The following ZNF385D variants were observed in gnomAD, a reference collection of about 807,000 sequenced individuals.
The protein encoded by ZNF385D is zinc finger protein 659.
ZNF385D carries 15 observed loss-of-function variants against 35.8 expected under a neutral mutation model. That is an observed-to-expected ratio of 0.42 (90% CI 0.28 to 0.64). ZNF385D has a LOEUF of 0.64. Among genes scored for constraint, ZNF385D ranks in the 30% least tolerant of loss-of-function variants. The pLI is 0.23. For missense variants in ZNF385D, 474 were observed against 494.6 expected, an observed-to-expected ratio of 0.96 and a Z score of 0.39; for synonymous variants, 212 against 186.8, an observed-to-expected ratio of 1.13 and a Z score of -1.10.
chr3:21,516,557 C>T (rs1575089402), intron 3 of ZNF385D, among the ~76,000 whole-genome samples: 3 of 152,108 alleles, frequency 2.0e-5, no homozygotes, highest in Admixed American at 6.5e-5. Flanking sequence ...GCATAACACA[C>T]GTTACTCTTG....
At chr3:22,089,875 G>A (rs2620542) in intron 3 of ZNF385D, among the ~76,000 whole-genome samples, 16,133 of 152,094 alleles carry the variant, frequency 0.11, 1,089 homozygotes, top group Middle Eastern at 0.19. Flanking sequence ...CTTGCTCTGT[G>A]GTCAGGCTGG....
At chr3:21,454,669 A>G (rs1340088507) in intron 4 of ZNF385D, among the ~76,000 whole-genome samples, 1 of 152,204 alleles carries the variant, frequency 6.6e-6, no homozygotes, top group Admixed American at 6.5e-5. Context: ...TTCCCTTTGA[A>G]AACTGGCACA....
rs1352042282 is a variant in ZNF385D, at chr3:22,123,956, CTCTCTCTATA to C, written c.325+44851_325+44860del. On this transcript the variant is annotated intron_variant, in intron 3 of 5. Transcript: ENST00000494108. ...TCTCTCTCTCTCTCTCTCTCTCTCT[CTCTCTCTATA>C]TATATATATATATATATATATATTG... 4.3e-3 allele frequency among the ~76,000 whole-genome samples: 368 copies of C among 86,572 alleles called. 4 individuals carry two copies. The highest frequency in any genetic ancestry group is 0.021 in the South Asian group (54 of 2,632). The allele number at this position is 86,572 out of a possible 152,430, so 56.8% of individuals were successfully genotyped here. A position where few individuals can be genotyped will look rare whatever the true frequency, so the allele number is the denominator to read the frequency against.
At chr3:21,658,565 T>C (rs2066141793) in intron 2 of ZNF385D, among the ~76,000 whole-genome samples, 1 of 151,176 alleles carries the variant, frequency 6.6e-6, no homozygotes, top group South Asian at 2.1e-4. Flanking sequence ...TTTTTATTTA[T>C]CTATATCTAT....
chr3:21,892,546 C>T (rs259524), intron 3 of ZNF385D, among the ~76,000 whole-genome samples: 1 of 152,056 alleles, frequency 6.6e-6, no homozygotes, highest in South Asian at 2.1e-4. Context: ...GTAAGCATGA[C>T]TTTTCTCAAA....
chr3:22,072,085 A>G (rs183395900), intron 3 of ZNF385D, among the ~76,000 whole-genome samples: 3 of 152,250 alleles, frequency 2.0e-5, no homozygotes, highest in African/African-American at 7.2e-5. Flanking sequence ...TCATTTATCC[A>G]TATTAGTAAC....
intron 2 of ZNF385D, among the ~76,000 whole-genome samples, chr3:22,265,002 T>C (rs1288640398): frequency 6.6e-6 from 1 of 151,904 alleles, no homozygotes; most frequent in East Asian, 1.9e-4. Context: ...TCCAGAATCC[T>C]CAGATAACGG....
intron 3 of ZNF385D, among the ~76,000 whole-genome samples, chr3:21,969,281 G>A (rs990274688): frequency 2.6e-5 from 4 of 152,088 alleles, no homozygotes; most frequent in Non-Finnish European, 5.9e-5. Context: ...TAATCCCCAC[G>A]TGTTAAGGGA....
intron 3 of ZNF385D, among the ~76,000 whole-genome samples, chr3:21,999,965 T>G (rs1695732418): frequency 6.6e-6 from 1 of 151,990 alleles, no homozygotes; most frequent in South Asian, 2.1e-4. Flanking sequence ...GATACACACA[T>G]CCAGACACAA....
chr3:21,866,178 C>T (rs1269150658), intron 3 of ZNF385D, among the ~76,000 whole-genome samples: 5 of 151,850 alleles, frequency 3.3e-5, no homozygotes, highest in South Asian at 2.1e-4. Flanking sequence ...CTGGGCTGGG[C>T]GCAGTGGCTC....
chr3:21,960,098 G>C (rs994705392), intron 3 of ZNF385D, among the ~76,000 whole-genome samples: 1 of 145,022 alleles, frequency 6.9e-6, no homozygotes, highest in Non-Finnish European at 1.5e-5. Flanking sequence ...CAATCAAAAA[G>C]TGATGAAAAA....
At chr3:21,777,703 C>G (rs376283599) in intron 3 of ZNF385D, 1 of 151,940 alleles carries the variant, frequency 6.6e-6, no homozygotes, top group South Asian at 2.1e-4. Flanking sequence ...ATTCTTTTCC[C>G]TAATAAGGCA....
chr3:21,929,829 C>T (rs1459284252), intron 3 of ZNF385D, among the ~76,000 whole-genome samples: 2 of 151,930 alleles, frequency 1.3e-5, no homozygotes, highest in Non-Finnish European at 2.9e-5. Context: ...AGACATTCTG[C>T]GTTCACCATT....
At chr3:22,218,839 T>C (rs1698062113) in intron 2 of ZNF385D, among the ~76,000 whole-genome samples, 1 of 152,164 alleles carries the variant, frequency 6.6e-6, no homozygotes, top group South Asian at 2.1e-4. Flanking sequence ...TATTTGTCCT[T>C]AATGTAGGGT....
At chr3:21,774,524 G>A (rs6797528) in intron 3 of ZNF385D, among the ~76,000 whole-genome samples, 48,485 of 151,748 alleles carry the variant, frequency 0.32, 7,985 homozygotes, top group African/African-American at 0.35. Flanking sequence ...GGAAACAGGA[G>A]ATGGGAAATA....
At chr3:22,198,673 C>G (rs764532769) in intron 2 of ZNF385D, among the ~76,000 whole-genome samples, 50 of 151,994 alleles carry the variant, frequency 3.3e-4, no homozygotes, top group African/African-American at 1.1e-3. Flanking sequence ...CAAATGACTA[C>G]ATATTTGTAA....
intron 3 of ZNF385D, among the ~76,000 whole-genome samples, chr3:22,036,003 G>C (rs1410225350): frequency 6.6e-6 from 1 of 151,950 alleles, no homozygotes; most frequent in African/African-American, 2.4e-5. Flanking sequence ...GTCAAAATAA[G>C]ACTTATGTGT....
At chr3:22,033,504 G>C (rs1576193929) in intron 3 of ZNF385D, among the ~76,000 whole-genome samples, 1 of 151,382 alleles carries the variant, frequency 6.6e-6, no homozygotes, top group South Asian at 2.1e-4. Context: ...TGAAGGAAAA[G>C]GAATAGAATA....
At chr3:21,479,102 A>T (rs1298610946) in intron 4 of ZNF385D, among the ~76,000 whole-genome samples, 1 of 151,858 alleles carries the variant, frequency 6.6e-6, no homozygotes, top group East Asian at 1.9e-4. Context: ...AACATAAAGT[A>T]TAAAGTTAAT....
Sources: gnomAD v4.1 joint callset for allele counts (sites outside exome capture counted in the v4.1 genomes callset) on GRCh38, gnomAD v4.1.1 for gene constraint, MANE v1.5 for transcripts, NCBI Gene and HGNC (gene_info 2026-07-23, HGNC 2026-07-21) for gene names.